Variants in DPP10 observed in about 807,000 individuals in gnomAD.
The protein encoded by DPP10 is dipeptidyl peptidase like 10.
Under a neutral mutation model 120.9 loss-of-function variants are expected in DPP10, and 33 were observed. The observed-to-expected ratio is 0.27, with a 90% CI of 0.21 to 0.37. The LOEUF (loss-of-function observed/expected upper bound fraction) is 0.37, where lower values mean the gene tolerates loss of function less well. DPP10 is among the 10% of genes least tolerant of loss of function. The probability of loss-of-function intolerance (pLI) is 1.00; values close to 1 mark genes in which losing one functional copy is unlikely to be tolerated. For missense variants in DPP10, 816 were observed against 942.8 expected (o/e 0.87, Z 1.76); for synonymous variants, 337 against 326.1 (o/e 1.03, Z -0.36).
chr2:115,602,402 T>G (rs1389716697), intron 5 of DPP10, among the ~76,000 whole-genome samples: 1 of 152,230 alleles, frequency 6.6e-6, no homozygotes, highest in Admixed American at 6.5e-5. Context: ...ACAATCAAAT[T>G]TATATCACAT....
At chr2:114,732,009 C>T (rs1676967559) in intron 1 of DPP10, among the ~76,000 whole-genome samples, 1 of 152,100 alleles carries the variant, frequency 6.6e-6, no homozygotes, top group Admixed American at 6.5e-5. Flanking sequence ...GGGAAGATAT[C>T]ACGTCTGGAT....
At chr2:114,517,896 A>G (rs769098212) in intron 1 of DPP10, among the ~76,000 whole-genome samples, 1 of 152,132 alleles carries the variant, frequency 6.6e-6, no homozygotes, top group Non-Finnish European at 1.5e-5. Flanking sequence ...GTTTAGCTTC[A>G]TATATTGGGC....
chr2:115,390,449 C>G (rs527584631), intron 3 of DPP10, among the ~76,000 whole-genome samples: 1 of 152,296 alleles, frequency 6.6e-6, no homozygotes, highest in South Asian at 2.1e-4. Context: ...AACAGGCTTT[C>G]TCTAAGTCTC....
chr2:114,791,582 T>C (rs1352434455), intron 1 of DPP10, among the ~76,000 whole-genome samples: 1 of 151,776 alleles, frequency 6.6e-6, no homozygotes, highest in Admixed American at 6.6e-5. Context: ...AAGTTTTCTC[T>C]GGAAAAAAAA....
At position 115,525,879 on chromosome 2, in the gene DPP10, T is replaced by G. The variant is rs570279335; in HGVS notation, c.367-19T>G. ...TTAAGAAGTTTTTAAATATAACTGG[T>G]TTTTTTTTCTTTTTCTAGGTAACCT... is the stretch of plus-strand genomic sequence containing the variant. On this transcript the variant is annotated intron_variant, in intron 4 of 25. Transcript: ENST00000410059. 6.7e-5 allele frequency: 105 copies of G among 1,559,004 alleles called. No individual in the cohort carries two copies. The South Asian group carries it at 1.1e-3, about 16-fold the overall frequency.
chr2:114,807,880 G>C (rs1348235598), intron 1 of DPP10, among the ~76,000 whole-genome samples: 1 of 152,206 alleles, frequency 6.6e-6, no homozygotes, highest in South Asian at 2.1e-4. Flanking sequence ...CTGGGGACTA[G>C]AATTACCTGG....
chr2:114,904,242 A>G (rs998802691), intron 1 of DPP10, among the ~76,000 whole-genome samples: 3 of 152,248 alleles, frequency 2.0e-5, no homozygotes, highest in Non-Finnish European at 4.4e-5. Flanking sequence ...TGATAAAAAT[A>G]TGAATGTTAA....
chr2:115,162,099 G>GC, intron 1 of DPP10: 1 of 1,501,720 alleles, frequency 6.7e-7, no homozygotes, highest in South Asian at 1.3e-5. Context: ...CCCGCCTCCC[G>GC]CTTCCCAGGC....
intron 1 of DPP10, among the ~76,000 whole-genome samples, chr2:114,739,439 A>G (rs1677800931): frequency 6.6e-6 from 1 of 152,130 alleles, no homozygotes; most frequent in Non-Finnish European, 1.5e-5. Context: ...TGGGCAGATC[A>G]CCTAAGGTCA....
intron 1 of DPP10, among the ~76,000 whole-genome samples, chr2:114,548,329 T>C (rs1209614617): frequency 1.3e-5 from 2 of 152,062 alleles, no homozygotes; most frequent in African/African-American, 2.4e-5. Context: ...CATGTTAAGG[T>C]ACAAAATAAA....
chr2:115,800,152 T>G (rs927224938), intron 19 of DPP10, among the ~76,000 whole-genome samples: 16 of 151,890 alleles, frequency 1.1e-4, no homozygotes, highest in African/African-American at 3.9e-4. Flanking sequence ...TGGTATCTCA[T>G]TGTGGTTTTG....
intron 7 of DPP10, among the ~76,000 whole-genome samples, chr2:115,716,944 C>G (rs2092514801): frequency 6.6e-6 from 1 of 152,224 alleles, no homozygotes; most frequent in Non-Finnish European, 1.5e-5. Context: ...TCTAGTGTCC[C>G]TCATTCTTCT....
At chr2:115,198,832 C>T (rs775244437) in intron 1 of DPP10, among the ~76,000 whole-genome samples, 1 of 152,092 alleles carries the variant, frequency 6.6e-6, no homozygotes, top group Non-Finnish European at 1.5e-5. Context: ...TGAAGGAAAG[C>T]CTCTTCCAAA....
intron 3 of DPP10, among the ~76,000 whole-genome samples, chr2:115,462,650 T>C (rs1354762859): frequency 1.3e-5 from 2 of 152,182 alleles, no homozygotes; most frequent in African/African-American, 4.8e-5. Context: ...ATATATAAAA[T>C]AAAAGTATTA....
intron 19 of DPP10, among the ~76,000 whole-genome samples, chr2:115,812,121 T>C (rs1371060105): frequency 1.3e-5 from 2 of 152,182 alleles, no homozygotes; most frequent in African/African-American, 2.4e-5. Flanking sequence ...GACTGAGTCC[T>C]AGTGTTTCAG....
chr2:115,389,159 A>G (rs2106531039), intron 3 of DPP10, among the ~76,000 whole-genome samples: 1 of 152,204 alleles, frequency 6.6e-6, no homozygotes. Flanking sequence ...TGACTCCTAT[A>G]AGCTTAATGA....
chr2:114,545,135 C>A (rs1366924049), intron 1 of DPP10, among the ~76,000 whole-genome samples: 1 of 151,952 alleles, frequency 6.6e-6, no homozygotes, highest in East Asian at 1.9e-4. Flanking sequence ...CAGGTGTGAG[C>A]CACTATGCCA....
chr2:115,125,654 C>T (rs778213324), intron 1 of DPP10, among the ~76,000 whole-genome samples: 20 of 147,876 alleles, frequency 1.4e-4, no homozygotes, highest in South Asian at 2.1e-4. Context: ...TTACGGCAAG[C>T]GCCTCCTCCC....
intron 1 of DPP10, among the ~76,000 whole-genome samples, chr2:114,977,735 T>A (rs1463062218): frequency 6.6e-6 from 1 of 152,212 alleles, no homozygotes; most frequent in Non-Finnish European, 1.5e-5. Flanking sequence ...CCTGGTTTAC[T>A]TCTAGTATTC....
Sources: gnomAD v4.1 joint callset for allele counts (sites outside exome capture counted in the v4.1 genomes callset) on GRCh38, gnomAD v4.1.1 for gene constraint, MANE v1.5 for transcripts, NCBI Gene and HGNC (gene_info 2026-07-23, HGNC 2026-07-21) for gene names.